The following B3GALT1 variants were observed in gnomAD, a reference collection of about 807,000 sequenced individuals.
The protein encoded by B3GALT1 is beta-1,3-galactosyltransferase 1.
Under a neutral mutation model 23.2 loss-of-function variants are expected in B3GALT1, and 10 were observed. The ratio of observed to expected loss-of-function variants is 0.43; its 90% CI spans 0.27 to 0.73. The LOEUF (loss-of-function observed/expected upper bound fraction) is 0.73. Ranked by LOEUF, B3GALT1 falls within the 30% of genes least tolerant of loss-of-function variation. The pLI is 0.21. For missense variants in B3GALT1, 299 were observed against 405.4 expected (o/e 0.74, Z 2.25); for synonymous variants, 156 against 141.5 (o/e 1.10, Z -0.73).
At chr2:167,761,458 ATG>A (rs1411550030) in intron 3 of B3GALT1, among the ~76,000 whole-genome samples, 2 of 152,156 alleles carry the variant, frequency 1.3e-5, no homozygotes, top group Non-Finnish European at 2.9e-5. Flanking sequence ...TTCTCTATGT[ATG>A]TGTGTATGTA....
intron 1 of B3GALT1, among the ~76,000 whole-genome samples, chr2:167,389,925 C>CCA (rs1697991879): frequency 1.9e-5 from 2 of 105,434 alleles, no homozygotes; most frequent in Non-Finnish European, 3.8e-5. Context: ...AAAAAAAAAA[C>CCA]AAAAAAAAAA....
At chr2:167,842,960 C>G (rs1046901102) in intron 4 of B3GALT1, among the ~76,000 whole-genome samples, 1 of 152,134 alleles carries the variant, frequency 6.6e-6, no homozygotes. Flanking sequence ...TTTTCATGAA[C>G]CTGAAATAGG....
intron 2 of B3GALT1, among the ~76,000 whole-genome samples, chr2:167,534,295 T>A (rs1050956777): frequency 6.6e-6 from 1 of 152,166 alleles, no homozygotes; most frequent in Non-Finnish European, 1.5e-5. Context: ...ATCTCGTAAC[T>A]CCTCTTTTAT....
Position 167,531,084 on chromosome 2 carries a change from T to C in B3GALT1, c.-410+40807T>C, listed in dbSNP as rs555044951. ...TTTTGTTATTTGGCTTTAAATACTG[T>C]TTCATTCTCCTACCAAACACAGACA... On this transcript the variant is annotated intron_variant, in intron 2 of 4. Transcript: ENST00000392690. 2.0e-5 allele frequency among the ~76,000 whole-genome samples: 3 copies of C among 152,320 alleles called. No individual in the cohort carries two copies. The South Asian group carries it at 6.2e-4, about 32-fold the overall frequency.
chr2:167,513,225 TA>T (rs1303526883), intron 2 of B3GALT1, among the ~76,000 whole-genome samples: 1 of 151,992 alleles, frequency 6.6e-6, no homozygotes, highest in Non-Finnish European at 1.5e-5. Flanking sequence ...TAACCTCACT[TA>T]TTCATATTTA....
At chr2:167,655,641 A>AT (rs1276092868) in intron 3 of B3GALT1, among the ~76,000 whole-genome samples, 1 of 152,130 alleles carries the variant, frequency 6.6e-6, no homozygotes, top group African/African-American at 2.4e-5. Flanking sequence ...TTTGTAAATC[A>AT]TTTTTTCCTA....
At chr2:167,444,185 T>G (rs528309183) in intron 1 of B3GALT1, among the ~76,000 whole-genome samples, 1 of 152,268 alleles carries the variant, frequency 6.6e-6, no homozygotes, top group Admixed American at 6.5e-5. Flanking sequence ...ATTTGCATAT[T>G]TTGAACCAGC....
chr2:167,379,401 ATAT>A (rs955197721), intron 1 of B3GALT1, among the ~76,000 whole-genome samples: 2 of 151,904 alleles, frequency 1.3e-5, no homozygotes, highest in African/African-American at 2.4e-5. Flanking sequence ...TTTCCCTATA[ATAT>A]TATTATTATC....
intron 1 of B3GALT1, among the ~76,000 whole-genome samples, chr2:167,338,108 T>C (rs901820789): frequency 6.6e-6 from 1 of 152,142 alleles, no homozygotes; most frequent in Admixed American, 6.5e-5. Context: ...TAAGGAAGTG[T>C]CCTAATTTCT....
intron 3 of B3GALT1, among the ~76,000 whole-genome samples, chr2:167,746,506 T>TA (rs1156552821): frequency 2.0e-5 from 3 of 152,198 alleles, no homozygotes; most frequent in African/African-American, 7.2e-5. Context: ...TGTTGTTTTC[T>TA]AAAAAAGTCA....
intron 1 of B3GALT1, among the ~76,000 whole-genome samples, chr2:167,425,502 T>C (rs188700635): frequency 1.2e-4 from 18 of 152,322 alleles, no homozygotes; most frequent in Admixed American, 9.8e-4. Context: ...TGCAGTAATA[T>C]AGTTGAGAAA....
chr2:167,437,137 G>A (rs1698798961), intron 1 of B3GALT1, among the ~76,000 whole-genome samples: 1 of 152,120 alleles, frequency 6.6e-6, no homozygotes, highest in Admixed American at 6.6e-5. Flanking sequence ...CCCACTAGGT[G>A]AAGCATTTTC....
intron 3 of B3GALT1, among the ~76,000 whole-genome samples, chr2:167,695,284 C>T (rs1686775272): frequency 6.6e-6 from 1 of 152,066 alleles, no homozygotes. Flanking sequence ...ACCTTTTGTT[C>T]CTATTTCCTG....
In B3GALT1 at chr2:167,333,382, TGGTCAAAA is replaced by T. The variant is rs750068522; in HGVS notation, c.-511+40049_-511+40056del. 8.5e-5 allele frequency among the ~76,000 whole-genome samples: 13 copies of T among 152,308 alleles called. No individual in the cohort carries two copies. In the South Asian group the frequency reaches 1.0e-3, roughly 12 times the overall value. Reference sequence around the variant, plus strand: ...AAAGCAGGGCTAACACCAGGAGAATTGGTCAAAATTCTCTTTAAGAATTAGTTAAATCC... The same window carrying T: ...AAAGCAGGGCTAACACCAGGAGAATTTTCTCTTTAAGAATTAGTTAAATCC... On this transcript the variant is annotated intron_variant, in intron 1 of 4. Transcript: ENST00000392690.
chr2:167,373,272 AGAT>A (rs1697712875), intron 1 of B3GALT1, among the ~76,000 whole-genome samples: 1 of 152,156 alleles, frequency 6.6e-6, no homozygotes, highest in African/African-American at 2.4e-5. Flanking sequence ...TGAAGCTACT[AGAT>A]GAACACATAT....
chr2:167,491,024 T>C (rs1461089908), intron 2 of B3GALT1, among the ~76,000 whole-genome samples: 4 of 152,176 alleles, frequency 2.6e-5, no homozygotes, highest in Admixed American at 6.5e-5. Flanking sequence ...GCAGGATCCC[T>C]TGTTTTCTTA....
intron 3 of B3GALT1, among the ~76,000 whole-genome samples, chr2:167,689,353 C>T (rs966336220): frequency 5.9e-5 from 9 of 151,998 alleles, no homozygotes; most frequent in African/African-American, 2.2e-4. Flanking sequence ...AAGACATTCT[C>T]AGATCAAGAA....
chr2:167,708,060 C>A (rs527642409), intron 3 of B3GALT1, among the ~76,000 whole-genome samples: 1 of 152,192 alleles, frequency 6.6e-6, no homozygotes, highest in Non-Finnish European at 1.5e-5. Flanking sequence ...CACTCCCATG[C>A]CTCCTAAATT....
chr2:167,712,532 T>C (rs538275594), intron 3 of B3GALT1, among the ~76,000 whole-genome samples: 4 of 152,014 alleles, frequency 2.6e-5, no homozygotes, highest in East Asian at 1.9e-4. Flanking sequence ...GCTTGGCCCA[T>C]GCTTGAAATG....
Sources: allele counts gnomAD v4.1 joint callset (sites outside exome capture counted in the v4.1 genomes callset), GRCh38; gene constraint gnomAD v4.1.1; transcripts MANE v1.5; gene names NCBI Gene and HGNC (gene_info 2026-07-23, HGNC 2026-07-21).